Variants in MAGI3 observed in about 807,000 individuals in gnomAD.
The protein encoded by MAGI3 is membrane-associated guanylate kinase, WW and PDZ domain-containing protein 3.
Under a neutral mutation model 121.8 loss-of-function variants are expected in MAGI3, and 43 were observed. The observed-to-expected ratio is 0.35, with a 90% confidence interval of 0.28 to 0.46. The LOEUF (loss-of-function observed/expected upper bound fraction) is 0.46, where lower values mean the gene tolerates loss of function less well. Ranked by LOEUF, MAGI3 falls within the 20% of genes least tolerant of loss-of-function variation. The pLI, the probability that MAGI3 is intolerant of heterozygous loss-of-function variation, is 1.00. For synonymous variants in MAGI3, 553 were observed against 639.3 expected, an observed-to-expected ratio of 0.86 and a Z score of 2.04; for missense variants, 1,547 against 1,797.3, an observed-to-expected ratio of 0.86 and a Z score of 2.52.
chr1:113,427,420 C>T (rs1653065585), intron 1 of MAGI3, among the ~76,000 whole-genome samples: 1 of 152,210 alleles, frequency 6.6e-6, no homozygotes, highest in Non-Finnish European at 1.5e-5. Flanking sequence ...AGCAAGCTTC[C>T]CAGTCATAAA....
At chr1:113,522,512 T>C (rs1658248554) in intron 1 of MAGI3, among the ~76,000 whole-genome samples, 1 of 152,236 alleles carries the variant, frequency 6.6e-6, no homozygotes, top group Admixed American at 6.5e-5. Context: ...TGACTTTGGG[T>C]AAGTTACTTA....
chr1:113,473,305 C>T, intron 1 of MAGI3, among the ~76,000 whole-genome samples: 1 of 152,018 alleles, frequency 6.6e-6, no homozygotes, highest in East Asian at 1.9e-4. Context: ...TACATGTGCA[C>T]AACGTGCAGG....
At chr1:113,649,809 G>A (rs1653057721) in intron 13 of MAGI3, among the ~76,000 whole-genome samples, 1 of 152,096 alleles carries the variant, frequency 6.6e-6, no homozygotes, top group African/African-American at 2.4e-5. Context: ...CATTTCATCT[G>A]TTACCTTTGA....
At chr1:113,526,091 T>A (rs940470566) in intron 1 of MAGI3, among the ~76,000 whole-genome samples, 2 of 152,172 alleles carry the variant, frequency 1.3e-5, no homozygotes, top group East Asian at 1.9e-4. Context: ...CCAAAAAAGT[T>A]GTTTTATTTG....
chr1:113,671,256 A>G (rs561982618), intron 16 of MAGI3, among the ~76,000 whole-genome samples: 1 of 152,316 alleles, frequency 6.6e-6, no homozygotes, highest in East Asian at 1.9e-4. Flanking sequence ...GGCAGGCAAA[A>G]TAACTGCTCC....
chr1:113,493,404 A>G (rs1339062010), intron 1 of MAGI3, among the ~76,000 whole-genome samples: 1 of 152,202 alleles, frequency 6.6e-6, no homozygotes, highest in Non-Finnish European at 1.5e-5. Context: ...TAAAGACTTT[A>G]AAATCCCAAA....
chr1:113,450,354 G>C (rs543731609), intron 1 of MAGI3: 1 of 1,290,500 alleles, frequency 7.7e-7, no homozygotes, highest in South Asian at 1.2e-5. Context: ...TGGTGGAGGT[G>C]GTGGCAGCAG....
intron 2 of MAGI3, among the ~76,000 whole-genome samples, chr1:113,574,145 C>G (rs766341492): frequency 1.3e-5 from 2 of 152,230 alleles, no homozygotes; most frequent in African/African-American, 4.8e-5. Flanking sequence ...ACTCCTTTAT[C>G]CAATTTGCCA....
chr1:113,600,829 G>T (rs528727763), intron 6 of MAGI3, among the ~76,000 whole-genome samples: 1 of 152,098 alleles, frequency 6.6e-6, no homozygotes, highest in South Asian at 2.1e-4. Context: ...CTACTACAAG[G>T]CTACAGTAAC....
Position 113,684,591 on chromosome 1 carries a change from C to CTACTT in MAGI3, c.*580_*584dup, listed in dbSNP as rs1338777892. 1 of 150,218 alleles carries CTACTT rather than the reference C, an allele frequency of 6.7e-6. No homozygotes were observed. Among genetic ancestry groups the CTACTT allele is most frequent in the African/African-American group, 2.4e-5 (1 of 41,312 alleles). The allele number at this position is 150,218 out of a possible 1,614,324, so 9.3% of individuals were successfully genotyped here. On this transcript the variant is annotated 3_prime_UTR_variant, in exon 21 of 21. Transcript: ENST00000307546. ...TTAAAAATAAAACCCCCAAACATCA[C>CTACTT]TACTTTAAGGAAAAAAAAAATGTAG...
chr1:113,489,578 G>A (rs1342699109), intron 1 of MAGI3, among the ~76,000 whole-genome samples: 1 of 152,036 alleles, frequency 6.6e-6, no homozygotes, highest in Non-Finnish European at 1.5e-5. Context: ...TCAGAATGTG[G>A]ATAGGAACAA....
intron 2 of MAGI3, among the ~76,000 whole-genome samples, chr1:113,580,339 T>C (rs1647933776): frequency 6.6e-6 from 1 of 151,478 alleles, no homozygotes; most frequent in African/African-American, 2.4e-5. Flanking sequence ...AGTCTGTCTT[T>C]CACCAGGTGT....
At chr1:113,578,352 G>A (rs546787035) in intron 2 of MAGI3, among the ~76,000 whole-genome samples, 5 of 152,162 alleles carry the variant, frequency 3.3e-5, no homozygotes, top group South Asian at 2.1e-4. Flanking sequence ...GCAGAATATC[G>A]TCATCATATT....
intron 1 of MAGI3, among the ~76,000 whole-genome samples, chr1:113,517,342 A>T (rs983676223): frequency 1.3e-4 from 20 of 151,746 alleles, no homozygotes; most frequent in Non-Finnish European, 2.2e-4. Context: ...TATTTTTTTT[A>T]AAAAGGCCTC....
chr1:113,518,679 C>A (rs918819842), intron 1 of MAGI3, among the ~76,000 whole-genome samples: 6 of 152,010 alleles, frequency 3.9e-5, no homozygotes, highest in African/African-American at 1.4e-4. Flanking sequence ...AGAATTGTTC[C>A]AAAGTGCAGT....
intron 16 of MAGI3, among the ~76,000 whole-genome samples, chr1:113,664,793 A>G (rs754724199): frequency 1.3e-5 from 2 of 152,190 alleles, no homozygotes; most frequent in African/African-American, 2.4e-5. Context: ...CTGATTGCCC[A>G]TGAATTTCAG....
At chr1:113,395,555 G>A (rs533721862) in intron 1 of MAGI3, among the ~76,000 whole-genome samples, 35 of 151,516 alleles carry the variant, frequency 2.3e-4, no homozygotes, top group African/African-American at 8.5e-4. Flanking sequence ...TAACATCTTT[G>A]TACTTAAAAA....
chr1:113,594,140 T>A (rs968023710), intron 5 of MAGI3, among the ~76,000 whole-genome samples: 11 of 152,208 alleles, frequency 7.2e-5, no homozygotes, highest in Non-Finnish European at 1.5e-4. Context: ...TTCAGTGCAG[T>A]ATTGTTGGCT....
chr1:113,585,629 C>T, intron 4 of MAGI3, 33 bp downstream of exon 4: 1 of 1,549,032 alleles, frequency 6.5e-7, no homozygotes, highest in Non-Finnish European at 8.8e-7. Flanking sequence ...TCTAACTGAT[C>T]TTCTAGATTG....
Sources: gnomAD v4.1 joint callset for allele counts (sites outside exome capture counted in the v4.1 genomes callset) on GRCh38, gnomAD v4.1.1 for gene constraint, MANE v1.5 for transcripts, NCBI Gene and HGNC (gene_info 2026-07-23, HGNC 2026-07-21) for gene names.